Variants in GPHN observed in about 807,000 individuals in gnomAD.
GPHN encodes gephyrin.
A neutral mutation model predicts 95.5 loss-of-function variants in GPHN; 17 were observed. The observed-to-expected ratio is 0.18, with a 90% CI of 0.12 to 0.27. The LOEUF is 0.27. GPHN is among the 10% of genes least tolerant of loss of function. The pLI is 1.00. For synonymous variants in GPHN, 320 were observed against 322.5 expected, an observed-to-expected ratio of 0.99 and a Z score of 0.08; for missense variants, 660 against 978.1, an observed-to-expected ratio of 0.67 and a Z score of 4.34.
chr14:66,708,552 T>C (rs1016597209), intron 2 of GPHN, among the ~76,000 whole-genome samples: 12 of 152,102 alleles, frequency 7.9e-5, no homozygotes, highest in African/African-American at 2.9e-4. Flanking sequence ...TAACTCCCCT[T>C]TAGGGAAATT....
intron 4 of GPHN, among the ~76,000 whole-genome samples, chr14:66,869,992 C>T (rs963620705): frequency 1.3e-5 from 2 of 152,024 alleles, no homozygotes; most frequent in African/African-American, 2.4e-5. Flanking sequence ...TGTTGGGCTC[C>T]GAACTAGATG....
the GPHN span, among the ~76,000 whole-genome samples, chr14:67,498,918 C>T: frequency 2.6e-5 from 4 of 152,210 alleles, no homozygotes; most frequent in Admixed American, 2.0e-4. Flanking sequence ...ATCCACCCAC[C>T]TTGGCCTCCC....
chr14:66,609,369 T>G (rs959567907), intron 1 of GPHN, among the ~76,000 whole-genome samples: 6 of 152,156 alleles, frequency 3.9e-5, no homozygotes, highest in African/African-American at 1.4e-4. Context: ...CTAGCTGCCT[T>G]TAAGATTTTT....
intron 2 of GPHN, among the ~76,000 whole-genome samples, chr14:66,716,702 A>T (rs1285037980): frequency 6.6e-6 from 1 of 152,144 alleles, no homozygotes; most frequent in Non-Finnish European, 1.5e-5. Context: ...CAGTTCTTGT[A>T]GTGGTGGCTT....
the GPHN span, among the ~76,000 whole-genome samples, chr14:67,482,021 C>T: frequency 6.6e-6 from 1 of 152,218 alleles, no homozygotes; most frequent in East Asian, 1.9e-4. Flanking sequence ...GCTTCACAAG[C>T]AGGGTTTCAT....
chr14:67,362,578 G>C, the GPHN span, among the ~76,000 whole-genome samples: 1 of 152,140 alleles, frequency 6.6e-6, no homozygotes, highest in East Asian at 1.9e-4. Flanking sequence ...CTTCTAGTAA[G>C]TAGCAGAGCA....
At chr14:66,511,390 C>T (rs1001809959) in intron 1 of GPHN, among the ~76,000 whole-genome samples, 1 of 151,970 alleles carries the variant, frequency 6.6e-6, no homozygotes, top group Admixed American at 6.6e-5. Context: ...TGGAGGGTCT[C>T]TTTTAGAAAA....
chr14:66,686,954 G>T (rs549736931), intron 2 of GPHN, among the ~76,000 whole-genome samples: 1 of 152,086 alleles, frequency 6.6e-6, no homozygotes, highest in African/African-American at 2.4e-5. Flanking sequence ...AGAGTTTTTA[G>T]CATGAGGGGC....
rs372764568 is a variant in GPHN at position 66,631,034 on chromosome 14, C to CT, written c.65-50064dup. Among the ~76,000 whole-genome samples, 494 of 147,268 alleles carry CT rather than the reference C, an allele frequency of 3.4e-3. 10 individuals are homozygous for CT. The highest frequency in any genetic ancestry group is 0.011 in the African/African-American group (461 of 40,390). ...TAGTTTTTCTTTAATTGCAGTCGTT[C>CT]TTTTTTTTTGTTTTTGTTTTTGTTT... On this transcript the variant is annotated intron_variant, in intron 1 of 22. Transcript: ENST00000478722.
chr14:67,044,626 T>C (rs1567248731), intron 10 of GPHN, among the ~76,000 whole-genome samples: 1 of 152,224 alleles, frequency 6.6e-6, no homozygotes, highest in South Asian at 2.1e-4. Flanking sequence ...CAGAACTCCA[T>C]GAGTGCTGCT....
the GPHN span, among the ~76,000 whole-genome samples, chr14:67,523,951 A>AGCATTTCCAGTGACACAAAG: frequency 6.6e-6 from 1 of 152,158 alleles, no homozygotes; most frequent in Non-Finnish European, 1.5e-5. Flanking sequence ...TGACACAAAG[A>AGCATTTCCAGTGACACAAAG]GGGTTTCCAG....
At chr14:66,726,906 G>A (rs879087055) in intron 2 of GPHN, among the ~76,000 whole-genome samples, 7 of 152,222 alleles carry the variant, frequency 4.6e-5, no homozygotes, top group South Asian at 2.1e-4. Context: ...TTTATGCTAC[G>A]AATATAAGGT....
intron 3 of GPHN, among the ~76,000 whole-genome samples, chr14:66,799,852 T>C (rs1248143777): frequency 6.6e-6 from 1 of 151,980 alleles, no homozygotes; most frequent in African/African-American, 2.4e-5. Flanking sequence ...GCCATTTTAT[T>C]ATTTGTTCTC....
chr14:66,631,240 G>T (rs1296470840), intron 1 of GPHN, among the ~76,000 whole-genome samples: 1 of 151,768 alleles, frequency 6.6e-6, no homozygotes, highest in Non-Finnish European at 1.5e-5. Flanking sequence ...ATAGAGACGA[G>T]GTTTCACCAT....
chr14:67,692,579 A>C, the GPHN span: 1 of 1,587,672 alleles, frequency 6.3e-7, no homozygotes, highest in South Asian at 1.2e-5. Context: ...CGGCAAGCTA[A>C]ATATACTCGA....
intron 12 of GPHN, among the ~76,000 whole-genome samples, chr14:67,091,296 A>T (rs2077137719): frequency 6.6e-6 from 1 of 151,986 alleles, no homozygotes; most frequent in Non-Finnish European, 1.5e-5. Context: ...TTTCAAATTG[A>T]TTCCTTCTAC....
chr14:67,098,190 A>G (rs1417576892), intron 12 of GPHN, among the ~76,000 whole-genome samples: 1 of 152,056 alleles, frequency 6.6e-6, no homozygotes, highest in Non-Finnish European at 1.5e-5. Context: ...AAAAAGACAA[A>G]CCTTGTAACA....
chr14:67,714,493 A>G, the GPHN span: 9 of 152,736 alleles, frequency 5.9e-5, no homozygotes, highest in African/African-American at 2.2e-4. Context: ...TTTATTAAAA[A>G]GAGTTCCCTA....
In GPHN at chr14:66,683,397, C is replaced by CATATATATATGTTCAT. The variant is rs2067113704; in HGVS notation, c.143+2222_143+2223insGTTCATATATATATAT. 7.1e-4 allele frequency among the ~76,000 whole-genome samples: 4 copies of CATATATATATGTTCAT among 5,632 alleles called. 1 individual carries two copies. The highest frequency in any genetic ancestry group is 2.5e-3 in the African/African-American group (4 of 1,572). The allele number at this position is 5,632 out of a possible 152,430, so 3.7% of individuals were successfully genotyped here. ...ATATATATGTTCATATATATATGTT[C>CATATATATATGTTCAT]ATATATATATATGTTCATATATATA... On this transcript the variant is annotated intron_variant, in intron 2 of 22. Coordinates refer to ENST00000478722, the MANE Select transcript of GPHN (RefSeq NM_020806.5).
Sources: gnomAD v4.1 joint callset for allele counts (sites outside exome capture counted in the v4.1 genomes callset) on GRCh38, gnomAD v4.1.1 for gene constraint, MANE v1.5 for transcripts, NCBI Gene and HGNC (gene_info 2026-07-23, HGNC 2026-07-21) for gene names.